Variants in LYPLAL1 observed in about 807,000 individuals in gnomAD.
The protein encoded by LYPLAL1 is lysophospholipase-like protein 1.
A neutral mutation model predicts 19.7 loss-of-function variants in LYPLAL1; 23 were observed. The ratio of observed to expected loss-of-function variants is 1.17; its 90% CI spans 0.84 to 1.65. LYPLAL1 has a LOEUF of 1.65. Ranked by LOEUF, LYPLAL1 falls within the 40% of genes most tolerant of loss-of-function variation. LYPLAL1 has a pLI of 0.00. For synonymous variants in LYPLAL1, 119 were observed against 96.3 expected, an observed-to-expected ratio of 1.24 and a Z score of -1.38; for missense variants, 355 against 279.4, an observed-to-expected ratio of 1.27 and a Z score of -1.93.
intron 2 of LYPLAL1, among the ~76,000 whole-genome samples, chr1:219,187,857 A>C (rs947371273): frequency 4.0e-5 from 6 of 151,796 alleles, no homozygotes; most frequent in Non-Finnish European, 8.8e-5. Flanking sequence ...ACCCTACTAA[A>C]AACAGCTATT....
the LYPLAL1 span, among the ~76,000 whole-genome samples, chr1:219,257,478 A>G: frequency 1.3e-5 from 2 of 151,672 alleles, no homozygotes; most frequent in Admixed American, 6.6e-5. Context: ...AAAGAGAAAG[A>G]GTACAAAGAG....
chr1:219,373,886 A>C, the LYPLAL1 span, among the ~76,000 whole-genome samples: 1 of 150,384 alleles, frequency 6.6e-6, no homozygotes, highest in Non-Finnish European at 1.5e-5. Flanking sequence ...AAAAAACAAA[A>C]AAAAAAACAC....
the LYPLAL1 span, among the ~76,000 whole-genome samples, chr1:219,238,304 ATTTTTTTT>A: frequency 4.9e-5 from 4 of 81,878 alleles, no homozygotes; most frequent in African/African-American, 2.2e-4. Context: ...CGCCCGGCTA[ATTTTTTTT>A]TTTTTTTTTT....
At chr1:219,301,380 CT>C in the LYPLAL1 span, among the ~76,000 whole-genome samples, 1 of 152,088 alleles carries the variant, frequency 6.6e-6, no homozygotes, top group Non-Finnish European at 1.5e-5. Flanking sequence ...CATAATTGGG[CT>C]TTCCAAATTT....
intron 3 of LYPLAL1, among the ~76,000 whole-genome samples, chr1:219,200,851 T>C (rs1282883376): frequency 6.6e-6 from 1 of 152,256 alleles, no homozygotes; most frequent in Non-Finnish European, 1.5e-5. Context: ...CAGGAGCTTC[T>C]GTCTCCCCGG....
chr1:219,258,403 A>G, the LYPLAL1 span, among the ~76,000 whole-genome samples: 2 of 152,026 alleles, frequency 1.3e-5, no homozygotes. Flanking sequence ...AAATCTTCAC[A>G]ATTTATGTTC....
chr1:219,241,134 C>CTCTCTCTCTATATATATATATATA, the LYPLAL1 span, among the ~76,000 whole-genome samples: 19 of 44,354 alleles, frequency 4.3e-4, no homozygotes, highest in South Asian at 9.1e-4. Context: ...CTCTCTCTCT[C>CTCTCTCTCTATATATATATATATA]TATATATATA....
At chr1:219,257,229 A>AT in the LYPLAL1 span, among the ~76,000 whole-genome samples, 8 of 151,986 alleles carry the variant, frequency 5.3e-5, no homozygotes, top group South Asian at 1.7e-3. Flanking sequence ...GGCTATGTTA[A>AT]TAGCTGTATA....
chr1:219,343,081 C>T, the LYPLAL1 span, among the ~76,000 whole-genome samples: 3 of 152,186 alleles, frequency 2.0e-5, no homozygotes, highest in African/African-American at 7.2e-5. Flanking sequence ...ACAACTTAAC[C>T]ATTGGAATAA....
chr1:219,374,246 A>G, the LYPLAL1 span, among the ~76,000 whole-genome samples: 2 of 152,034 alleles, frequency 1.3e-5, no homozygotes, highest in East Asian at 1.9e-4. Flanking sequence ...CAATTGGCAG[A>G]GAACGGCTGA....
At chr1:219,190,283 C>A (rs1657048983) in intron 2 of LYPLAL1, among the ~76,000 whole-genome samples, 1 of 151,486 alleles carries the variant, frequency 6.6e-6, no homozygotes, top group South Asian at 2.1e-4. Flanking sequence ...TAATGCAGAA[C>A]TATAAAATAT....
chr1:219,268,288 G>A, the LYPLAL1 span, among the ~76,000 whole-genome samples: 11 of 152,112 alleles, frequency 7.2e-5, no homozygotes, highest in Admixed American at 4.6e-4. Context: ...TAAATAAGGC[G>A]GTCAAGATTG....
At chr1:219,268,904 G>T in the LYPLAL1 span, among the ~76,000 whole-genome samples, 1 of 152,182 alleles carries the variant, frequency 6.6e-6, no homozygotes, top group South Asian at 2.1e-4. Context: ...AGGTGCTCAT[G>T]GGCCTTAGTA....
the LYPLAL1 span, among the ~76,000 whole-genome samples, chr1:219,418,340 A>G: frequency 9.2e-5 from 14 of 152,158 alleles, no homozygotes; most frequent in African/African-American, 3.4e-4. Flanking sequence ...TCCCACACAC[A>G]AAGCCACCCT....
the LYPLAL1 span, among the ~76,000 whole-genome samples, chr1:219,287,539 G>A: frequency 3.9e-5 from 6 of 152,088 alleles, no homozygotes; most frequent in Admixed American, 6.5e-5. Context: ...TCTATTAGAC[G>A]CCTACACATC....
the LYPLAL1 span, among the ~76,000 whole-genome samples, chr1:219,373,527 C>A: frequency 6.6e-6 from 1 of 152,188 alleles, no homozygotes; most frequent in African/African-American, 2.4e-5. Context: ...CCAGTGATTA[C>A]ATGATAAGAC....
chr1:219,394,595 G>A, the LYPLAL1 span, among the ~76,000 whole-genome samples: 2 of 152,090 alleles, frequency 1.3e-5, no homozygotes, highest in Admixed American at 1.3e-4. Context: ...TTTTCCTTTT[G>A]TGACTGGTTT....
At chr1:219,418,676 C>A in the LYPLAL1 span, among the ~76,000 whole-genome samples, 5 of 152,196 alleles carry the variant, frequency 3.3e-5, no homozygotes, top group African/African-American at 1.2e-4. Context: ...TTTACATTAG[C>A]ATTCACTCTT....
the LYPLAL1 span, among the ~76,000 whole-genome samples, chr1:219,419,981 C>T: frequency 1.3e-5 from 2 of 152,200 alleles, no homozygotes; most frequent in Non-Finnish European, 2.9e-5. Context: ...ACCACAGGGA[C>T]CAGGTCCCCT....
Sources: gnomAD v4.1 joint callset for allele counts (sites outside exome capture counted in the v4.1 genomes callset) on GRCh38, gnomAD v4.1.1 for gene constraint, MANE v1.5 for transcripts, NCBI Gene and HGNC (gene_info 2026-07-23, HGNC 2026-07-21) for gene names.